TMCO5A: variants seen among roughly 807,000 people sequenced by gnomAD.
TMCO5A encodes the protein transmembrane and coiled-coil domain-containing protein 5A.
TMCO5A carries 34 observed loss-of-function variants against 42.3 expected under a neutral mutation model. The ratio of observed to expected loss-of-function variants is 0.80; its 90% CI spans 0.61 to 1.07. The LOEUF (loss-of-function observed/expected upper bound fraction) is 1.07. Among genes scored for constraint, TMCO5A ranks in the 50% least tolerant of loss-of-function variants. The pLI is 0.00. For synonymous variants in TMCO5A, 131 were observed against 115.6 expected, an observed-to-expected ratio of 1.13 and a Z score of -0.86; for missense variants, 357 against 327.9, an observed-to-expected ratio of 1.09 and a Z score of -0.69.
intron 10 of TMCO5A, among the ~76,000 whole-genome samples, chr15:37,945,993 T>A (rs1361101327): frequency 6.6e-6 from 1 of 152,068 alleles, no homozygotes; most frequent in Non-Finnish European, 1.5e-5. Flanking sequence ...GGGTTTTTAC[T>A]ATTTTGGGTT....
the TMCO5A span, among the ~76,000 whole-genome samples, chr15:38,008,034 T>C: frequency 6.6e-6 from 1 of 151,850 alleles, no homozygotes; most frequent in East Asian, 1.9e-4. Flanking sequence ...TTGCTGGGAC[T>C]ACAGGCGCCT....
At chr15:38,018,974 T>C in the TMCO5A span, among the ~76,000 whole-genome samples, 1 of 152,172 alleles carries the variant, frequency 6.6e-6, no homozygotes, top group African/African-American at 2.4e-5. Context: ...AAATTCAATA[T>C]GCAATCAAAA....
intron 11 of TMCO5A, among the ~76,000 whole-genome samples, chr15:37,964,089 A>G (rs954301134): frequency 3.9e-5 from 6 of 152,122 alleles, no homozygotes; most frequent in African/African-American, 1.4e-4. Context: ...TTGTCGTATT[A>G]CCAGAGTTGG....
At chr15:37,981,520 T>TA in the TMCO5A span, among the ~76,000 whole-genome samples, 3 of 152,126 alleles carry the variant, frequency 2.0e-5, no homozygotes, top group Admixed American at 2.0e-4. Flanking sequence ...ATCATTGCTT[T>TA]AAAAAAACCT....
chr15:37,999,644 G>A, the TMCO5A span, among the ~76,000 whole-genome samples: 1 of 152,120 alleles, frequency 6.6e-6, no homozygotes, highest in East Asian at 1.9e-4. Flanking sequence ...TCCTCATTCA[G>A]TGTTATACTA....
At chr15:37,972,504 G>A (rs1239996190), downstream of TMCO5A, among the ~76,000 whole-genome samples, 1 of 152,144 alleles carries the variant, frequency 6.6e-6, no homozygotes, top group Non-Finnish European at 1.5e-5. Context: ...TTATCTCCTT[G>A]TGGTTTTGAT....
the TMCO5A span, among the ~76,000 whole-genome samples, chr15:38,024,524 G>A: frequency 6.6e-6 from 1 of 152,174 alleles, no homozygotes; most frequent in African/African-American, 2.4e-5. Flanking sequence ...CATAGATGTG[G>A]GGGTTGTTTC....
the TMCO5A span, among the ~76,000 whole-genome samples, chr15:38,025,454 T>A: frequency 1.3e-5 from 2 of 152,272 alleles, no homozygotes; most frequent in South Asian, 4.1e-4. Context: ...CTTCTCTCCA[T>A]CTTTCAAGAT....
the TMCO5A span, among the ~76,000 whole-genome samples, chr15:37,974,807 T>C: frequency 1.3e-5 from 2 of 152,168 alleles, no homozygotes; most frequent in Non-Finnish European, 2.9e-5. Flanking sequence ...GGTTTGCTCT[T>C]GTTTCTCTAG....
intron 6 of TMCO5A, among the ~76,000 whole-genome samples, chr15:37,939,142 C>T (rs1364274360): frequency 6.6e-6 from 1 of 152,110 alleles, no homozygotes; most frequent in African/African-American, 2.4e-5. Context: ...TCTAGAATTA[C>T]ATCTTTGTCC....
the TMCO5A span, among the ~76,000 whole-genome samples, chr15:37,981,452 T>C: frequency 6.6e-6 from 1 of 152,344 alleles, no homozygotes; most frequent in South Asian, 2.1e-4. Flanking sequence ...TGATTTAAAA[T>C]TTTTGATTTT....
At chr15:37,947,221 T>A (rs1889996335) in intron 10 of TMCO5A, among the ~76,000 whole-genome samples, 1 of 152,014 alleles carries the variant, frequency 6.6e-6, no homozygotes, top group Non-Finnish European at 1.5e-5. Flanking sequence ...TCACTCATCT[T>A]TAGATTTTTT....
the TMCO5A span, among the ~76,000 whole-genome samples, chr15:37,980,637 CAAAAAAAAAAAA>C: frequency 9.6e-5 from 8 of 83,146 alleles, no homozygotes; most frequent in East Asian, 4.3e-4. Flanking sequence ...GCCATCTTGG[CAAAAAAAAAAAA>C]AAAAAAAAAA....
At position 37,964,267 on chromosome 15, in the gene TMCO5A, C is replaced by T. The variant is rs117772826; in HGVS notation, c.669-2358C>T. Among the ~76,000 whole-genome samples the T allele has an allele frequency of 6.8e-3, 1,036 of 152,220 alleles. 5 individuals are homozygous for T. Among genetic ancestry groups the T allele is most frequent in the Non-Finnish European group, 0.012 (793 of 68,004 alleles). ...AGCAGAACTGCAGTGATTGTTGCCT[C>T]TCTTCTGGGTTTAGCCACCCAGCAA... On this transcript the variant is annotated intron_variant, in intron 11 of 11. Transcript: ENST00000559502.
rs960141811 is a variant in TMCO5A at position 37,945,062 on chromosome 15, T to C, written c.627+1664T>C. Among the ~76,000 whole-genome samples, 8 of 152,100 alleles carry C rather than the reference T, an allele frequency of 5.3e-5. No individual in the cohort carries two copies. In the East Asian group the frequency reaches 5.8e-4, roughly 11 times the overall value. On this transcript the variant is annotated intron_variant, in intron 10 of 11. Transcript: ENST00000319669. ...CACTGACAAGCTCCAGTGTGTGTTG[T>C]TCCCCTGCATGTGTCCATGTGTTCT...
At chr15:38,027,695 A>T in the TMCO5A span, among the ~76,000 whole-genome samples, 209 of 152,244 alleles carry the variant, frequency 1.4e-3, no homozygotes, top group African/African-American at 4.9e-3. Context: ...CTCACCTTGA[A>T]TTTTAATAAT....
the TMCO5A span, among the ~76,000 whole-genome samples, chr15:37,983,982 C>G: frequency 1.3e-5 from 2 of 152,108 alleles, no homozygotes; most frequent in South Asian, 2.1e-4. Flanking sequence ...ATCCACCCAC[C>G]TCGGTCTCCC....
chr15:37,987,203 C>T, the TMCO5A span, among the ~76,000 whole-genome samples: 4 of 151,876 alleles, frequency 2.6e-5, no homozygotes, highest in Non-Finnish European at 5.9e-5. Context: ...TTGTTTATAT[C>T]GTCTTTGAAG....
At chr15:37,946,436 T>G (rs1487279042) in intron 10 of TMCO5A, among the ~76,000 whole-genome samples, 1 of 152,208 alleles carries the variant, frequency 6.6e-6, no homozygotes, top group Non-Finnish European at 1.5e-5. Context: ...GCATTGAATC[T>G]AGAAATAACT....
Sources: allele counts gnomAD v4.1 joint callset (sites outside exome capture counted in the v4.1 genomes callset), GRCh38; gene constraint gnomAD v4.1.1; transcripts MANE v1.5; gene names NCBI Gene and HGNC (gene_info 2026-07-23, HGNC 2026-07-21).